ACCSL: variants seen among roughly 807,000 people sequenced by gnomAD.
The protein encoded by ACCSL is 1-aminocyclopropane-1-carboxylate synthase homolog (inactive) like, also known as probable inactive 1-aminocyclopropane-1-carboxylate synthase-like protein 2.
ACCSL carries 55 observed loss-of-function variants against 61.7 expected under a neutral mutation model. That is an observed-to-expected ratio of 0.89 (90% CI 0.72 to 1.12). The LOEUF (loss-of-function observed/expected upper bound fraction) is 1.12. ACCSL is among the 50% of genes most tolerant of loss of function. The pLI, the probability that ACCSL is intolerant of heterozygous loss-of-function variation, is 0.00. For synonymous variants in ACCSL, 258 were observed against 264.3 expected (o/e 0.98, Z 0.23); for missense variants, 632 against 698.0 (o/e 0.91, Z 1.07).
chr11:43,942,249 T>C, the ACCSL span: 5 of 155,382 alleles, frequency 3.2e-5, no homozygotes, highest in East Asian at 1.0e-3. Context: ...GCCTCAAGTG[T>C]GTGCATCTGG....
At chr11:44,013,660 C>T in the ACCSL span, among the ~76,000 whole-genome samples, 12 of 152,172 alleles carry the variant, frequency 7.9e-5, no homozygotes, top group East Asian at 1.9e-4. Context: ...AAATATATTA[C>T]GTATTTCATA....
the ACCSL span, among the ~76,000 whole-genome samples, chr11:44,011,498 G>A: frequency 4.3e-4 from 66 of 152,268 alleles, 1 homozygote; most frequent in African/African-American, 1.5e-3. Context: ...TTGTAAACAC[G>A]TCCACATAAG....
the ACCSL span, among the ~76,000 whole-genome samples, chr11:44,021,051 G>T: frequency 6.6e-6 from 1 of 152,144 alleles, no homozygotes; most frequent in Non-Finnish European, 1.5e-5. Context: ...ATTTAGGCTG[G>T]TTCCGTATTT....
At chr11:44,056,447 T>A in intron 11 of ACCSL, 121 bp downstream of exon 11, 2 of 1,310,646 alleles carry the variant, frequency 1.5e-6, no homozygotes, top group Non-Finnish European at 2.1e-6. Flanking sequence ...CTGTCTCAGA[T>A]TTAACTGTGG....
chr11:43,994,174 C>A, the ACCSL span, among the ~76,000 whole-genome samples: 1 of 152,210 alleles, frequency 6.6e-6, no homozygotes, highest in African/African-American at 2.4e-5. Flanking sequence ...TTTTGCATTT[C>A]TTTTATTCAC....
chr11:43,941,006 C>T, the ACCSL span, among the ~76,000 whole-genome samples: 1 of 152,156 alleles, frequency 6.6e-6, no homozygotes, highest in African/African-American at 2.4e-5. Context: ...GACTTTTCTA[C>T]CTGTAAATGG....
chr11:43,987,217 C>T, the ACCSL span, among the ~76,000 whole-genome samples: 1 of 152,214 alleles, frequency 6.6e-6, no homozygotes, highest in Non-Finnish European at 1.5e-5. Flanking sequence ...CAGATACCTA[C>T]GGAATCTTCT....
the ACCSL span, among the ~76,000 whole-genome samples, chr11:44,037,597 T>A: frequency 6.6e-6 from 1 of 152,162 alleles, no homozygotes; most frequent in African/African-American, 2.4e-5. Flanking sequence ...GTAGTCAGGG[T>A]GCCCGCAGCA....
the ACCSL span, among the ~76,000 whole-genome samples, chr11:43,929,212 T>C: frequency 6.6e-6 from 1 of 152,106 alleles, no homozygotes; most frequent in Admixed American, 6.6e-5. Flanking sequence ...GGCCTTGATT[T>C]TTGTTGTTGT....
chr11:43,944,903 C>T, the ACCSL span: 2 of 152,864 alleles, frequency 1.3e-5, no homozygotes, highest in South Asian at 4.1e-4. Context: ...GTTTAGGGCT[C>T]CTGCTCCGGT....
chr11:43,968,176 A>G, the ACCSL span, among the ~76,000 whole-genome samples: 123 of 152,294 alleles, frequency 8.1e-4, no homozygotes, highest in African/African-American at 2.8e-3. Flanking sequence ...CCCACAACAA[A>G]GAATTATCTA....
the ACCSL span, among the ~76,000 whole-genome samples, chr11:44,013,517 C>A: frequency 6.6e-6 from 1 of 152,078 alleles, no homozygotes; most frequent in East Asian, 1.9e-4. Context: ...GGTCTCGAAC[C>A]CCTGACCTCA....
chr11:43,987,396 G>A, the ACCSL span, among the ~76,000 whole-genome samples: 3 of 152,276 alleles, frequency 2.0e-5, no homozygotes, highest in Middle Eastern at 3.4e-3. Flanking sequence ...TTTCAGAAAC[G>A]GCAGCTTCCG....
chr11:43,986,943 G>A, the ACCSL span, among the ~76,000 whole-genome samples: 2 of 152,182 alleles, frequency 1.3e-5, no homozygotes, highest in Non-Finnish European at 2.9e-5. Flanking sequence ...GAAAGCAAGA[G>A]CTCCTTAGAA....
chr11:43,953,082 G>C, the ACCSL span, among the ~76,000 whole-genome samples: 2 of 152,142 alleles, frequency 1.3e-5, no homozygotes, highest in Non-Finnish European at 2.9e-5. Context: ...ATTTGAACCA[G>C]AGCGACTCCA....
the ACCSL span, among the ~76,000 whole-genome samples, chr11:44,031,598 C>T: frequency 2.0e-5 from 3 of 152,002 alleles, no homozygotes; most frequent in African/African-American, 7.3e-5. Flanking sequence ...GGTGGGAGGG[C>T]CTTCAGACTG....
chr11:44,031,226 G>C, the ACCSL span, among the ~76,000 whole-genome samples: 1 of 152,132 alleles, frequency 6.6e-6, no homozygotes, highest in South Asian at 2.1e-4. Flanking sequence ...ATAAACGTTC[G>C]CACGTCATCC....
At chr11:43,939,782 T>A in the ACCSL span, among the ~76,000 whole-genome samples, 1 of 152,182 alleles carries the variant, frequency 6.6e-6, no homozygotes, top group Non-Finnish European at 1.5e-5. Flanking sequence ...AATTTTTGTA[T>A]TTTTAGCAGA....
the ACCSL span, among the ~76,000 whole-genome samples, chr11:44,018,411 C>T: frequency 6.6e-6 from 1 of 152,240 alleles, no homozygotes; most frequent in East Asian, 1.9e-4. Context: ...GGCTTACCCT[C>T]CTGACCCATG....
Sources: allele counts gnomAD v4.1 joint callset (sites outside exome capture counted in the v4.1 genomes callset), GRCh38; gene constraint gnomAD v4.1.1; transcripts MANE v1.5; gene names NCBI Gene and HGNC (gene_info 2026-07-23, HGNC 2026-07-21).